The following FMN2 variants were observed in gnomAD, a reference collection of about 807,000 sequenced individuals.
FMN2 encodes the protein formin 2, also known as formin-2.
A neutral mutation model predicts 142.3 loss-of-function variants in FMN2; 51 were observed. The observed-to-expected ratio is 0.36, with a 90% CI of 0.29 to 0.45. The LOEUF is 0.45. Ranked by LOEUF, FMN2 falls within the 20% of genes least tolerant of loss-of-function variation. FMN2 has a pLI of 1.00. For synonymous variants in FMN2, 882 were observed against 869.8 expected, an observed-to-expected ratio of 1.01 and a Z score of -0.25; for missense variants, 1,936 against 2,122.8, an observed-to-expected ratio of 0.91 and a Z score of 1.73.
intron 2 of FMN2, among the ~76,000 whole-genome samples, chr1:240,161,248 AG>A (rs1664264969): frequency 6.6e-6 from 1 of 152,114 alleles, no homozygotes; most frequent in Non-Finnish European, 1.5e-5. Context: ...TTATGTTGGA[AG>A]GGCCTAGAAT....
chr1:240,104,366 G>A (rs1418795415), intron 1 of FMN2, among the ~76,000 whole-genome samples: 1 of 151,734 alleles, frequency 6.6e-6, no homozygotes, highest in Non-Finnish European at 1.5e-5. Flanking sequence ...GTAATTTTAG[G>A]TATTATTAAC....
intron 15 of FMN2, among the ~76,000 whole-genome samples, chr1:240,426,246 A>C (rs538908980): frequency 6.6e-6 from 1 of 152,320 alleles, no homozygotes; most frequent in Admixed American, 6.5e-5. Flanking sequence ...TGCCTTAAAA[A>C]CAGATGAGAA....
At chr1:240,421,216 T>C (rs1674751247) in intron 15 of FMN2, among the ~76,000 whole-genome samples, 1 of 152,106 alleles carries the variant, frequency 6.6e-6, no homozygotes, top group South Asian at 2.1e-4. Context: ...TTGGCCAACT[T>C]TTTTTTCCTG....
chr1:240,365,113 A>G (rs1349784272), intron 14 of FMN2, among the ~76,000 whole-genome samples: 1 of 152,168 alleles, frequency 6.6e-6, no homozygotes. Context: ...GATAATTTGC[A>G]TGGATAAGCA....
At chr1:240,278,640 A>G (rs1482889770) in intron 7 of FMN2, among the ~76,000 whole-genome samples, 1 of 152,202 alleles carries the variant, frequency 6.6e-6, no homozygotes, top group African/African-American at 2.4e-5. Flanking sequence ...TCATAACTTC[A>G]GCTGAGATTA....
intron 13 of FMN2, among the ~76,000 whole-genome samples, chr1:240,334,723 G>T (rs977604776): frequency 2.6e-5 from 4 of 152,198 alleles, no homozygotes; most frequent in African/African-American, 9.6e-5. Flanking sequence ...TTATTTTGAA[G>T]AATAATAGGC....
chr1:240,360,077 C>T lies in FMN2; in HGVS notation c.4858+4169C>T, dbSNP rs139649124. ...TGCAGGAAGGTCCTTAAAAGGACAC[C>T]GACTAGTATCACGTTAAATTCATAA... On this transcript the variant is annotated intron_variant, in intron 14 of 17. Transcript: ENST00000319653. Among the ~76,000 whole-genome samples, 333 of 152,210 alleles carry T rather than the reference C, an allele frequency of 2.2e-3. 2 individuals are homozygous for T. The highest frequency in any genetic ancestry group is 0.014 in the Middle Eastern group (4 of 292).
intron 6 of FMN2, among the ~76,000 whole-genome samples, chr1:240,222,306 G>A (rs1012267083): frequency 2.6e-5 from 4 of 152,104 alleles, no homozygotes; most frequent in African/African-American, 9.7e-5. Context: ...TTGTAGATGT[G>A]TAACATTATT....
At chr1:240,178,208 T>C (rs1558340040) in intron 3 of FMN2, 140 bp downstream of exon 3, 2 of 982,930 alleles carry the variant, frequency 2.0e-6, no homozygotes, top group African/African-American at 3.4e-5. Context: ...GTTTTTACTT[T>C]GGGGTCTTTT....
rs751217478 is a variant in FMN2 at position 240,275,098 on chromosome 1, CT to C, written c.4153+17070del. ...TTTTTAAGTTTTTTTTTTTTTTTGT[CT>C]TTTATTATACTTTAAGTTCTGGGAT... On this transcript the variant is annotated intron_variant, in intron 7 of 17. Coordinates refer to ENST00000319653, the MANE Select transcript of FMN2 (RefSeq NM_020066.5). 2.8e-3 allele frequency among the ~76,000 whole-genome samples: 363 copies of C among 128,722 alleles called. 1 individual carries two copies. The highest frequency in any genetic ancestry group is 0.025 in the South Asian group (102 of 4,008). The allele number at this position is 128,722 out of a possible 152,430, so 84.4% of individuals were successfully genotyped here.
intron 14 of FMN2, among the ~76,000 whole-genome samples, chr1:240,367,910 A>G (rs775447120): frequency 8.6e-5 from 13 of 151,776 alleles, no homozygotes; most frequent in Non-Finnish European, 1.6e-4. Flanking sequence ...TTTATCTATG[A>G]TCTGCAATAG....
At chr1:240,200,361 G>A (rs1666079298) in intron 4 of FMN2, among the ~76,000 whole-genome samples, 1 of 152,152 alleles carries the variant, frequency 6.6e-6, no homozygotes, top group African/African-American at 2.4e-5. Context: ...TTAGAAATCA[G>A]CTCTTACTTC....
intron 14 of FMN2, among the ~76,000 whole-genome samples, chr1:240,379,972 C>G (rs1205669737): frequency 6.6e-6 from 1 of 151,948 alleles, no homozygotes; most frequent in East Asian, 1.9e-4. Flanking sequence ...GCAGAGCACC[C>G]AGATTCATTT....
intron 8 of FMN2, among the ~76,000 whole-genome samples, chr1:240,316,123 C>T (rs1670772470): frequency 6.6e-6 from 1 of 152,194 alleles, no homozygotes. Context: ...ATATTCACCT[C>T]TTTGAAGAGC....
At chr1:240,392,316 A>G (rs1673630659) in intron 14 of FMN2, among the ~76,000 whole-genome samples, 195 bp from the exon 15 acceptor site, 1 of 152,160 alleles carries the variant, frequency 6.6e-6, no homozygotes, top group Admixed American at 6.6e-5. Flanking sequence ...ATATAATAAG[A>G]TCAACTTAAT....
intron 8 of FMN2, among the ~76,000 whole-genome samples, chr1:240,298,243 C>T (rs188569473): frequency 2.6e-5 from 4 of 152,204 alleles, no homozygotes; most frequent in Admixed American, 6.5e-5. Context: ...TAGGTAGTAC[C>T]AGGTTAGCCC....
At chr1:240,163,544 T>C (rs994237258) in intron 2 of FMN2, among the ~76,000 whole-genome samples, 1 of 152,194 alleles carries the variant, frequency 6.6e-6, no homozygotes, top group Non-Finnish European at 1.5e-5. Flanking sequence ...AATTTACATG[T>C]TATATCTTTT....
chr1:240,290,082 T>A (rs1669727184), intron 7 of FMN2, among the ~76,000 whole-genome samples: 2 of 152,208 alleles, frequency 1.3e-5, no homozygotes, highest in African/African-American at 4.8e-5. Flanking sequence ...AGAGTGGGAC[T>A]GTTTCTTATG....
intron 15 of FMN2, among the ~76,000 whole-genome samples, chr1:240,433,747 G>T (rs1675259664): frequency 6.6e-6 from 1 of 152,166 alleles, no homozygotes; most frequent in Non-Finnish European, 1.5e-5. Flanking sequence ...CCTGCTTTTA[G>T]GAGAGATTTC....
Sources: gnomAD v4.1 joint callset for allele counts (sites outside exome capture counted in the v4.1 genomes callset) on GRCh38, gnomAD v4.1.1 for gene constraint, MANE v1.5 for transcripts, NCBI Gene and HGNC (gene_info 2026-07-23, HGNC 2026-07-21) for gene names.